Variants in VEZT observed in about 807,000 individuals in gnomAD.
The protein encoded by VEZT is vezatin, adherens junctions transmembrane protein.
Under a neutral mutation model 79.9 loss-of-function variants are expected in VEZT, and 39 were observed. The ratio of observed to expected loss-of-function variants is 0.49; its 90% confidence interval spans 0.38 to 0.64. VEZT has a LOEUF of 0.64. VEZT is among the 30% of genes least tolerant of loss of function. The probability of loss-of-function intolerance (pLI) is 0.00; values close to 1 mark genes in which losing one functional copy is unlikely to be tolerated. For synonymous variants in VEZT, 325 were observed against 327.6 expected (o/e 0.99, Z 0.09); for missense variants, 837 against 893.1 (o/e 0.94, Z 0.80).
At chr12:95,227,086 T>C (rs2058595928) in intron 1 of VEZT, among the ~76,000 whole-genome samples, 1 of 152,244 alleles carries the variant, frequency 6.6e-6, no homozygotes, top group Admixed American at 6.5e-5. Context: ...TACTCTGTTA[T>C]CGTCATCATT....
At chr12:95,237,682 T>C (rs1028029406) in intron 1 of VEZT, among the ~76,000 whole-genome samples, 7 of 152,248 alleles carry the variant, frequency 4.6e-5, no homozygotes, top group Non-Finnish European at 8.8e-5. Context: ...CTGTTGTGGC[T>C]CTGTTTCCCT....
At chr12:95,285,982 C>CTTTTT (rs869030351) in intron 8 of VEZT, among the ~76,000 whole-genome samples, 12 of 85,832 alleles carry the variant, frequency 1.4e-4, no homozygotes, top group Non-Finnish European at 2.2e-4. Flanking sequence ...CCGACCCCTT[C>CTTTTT]TTTTTTTTTT....
chr12:95,244,058 G>A (rs1431778559), intron 1 of VEZT: 7 of 442,328 alleles, frequency 1.6e-5, no homozygotes, highest in Admixed American at 1.3e-4. Context: ...TTCTGTTATA[G>A]CAACACAAAA....
At chr12:95,229,837 C>A (rs912886222) in intron 1 of VEZT, among the ~76,000 whole-genome samples, 1 of 152,066 alleles carries the variant, frequency 6.6e-6, no homozygotes, top group African/African-American at 2.4e-5. Context: ...TGCCTGTAAT[C>A]CCAGCACTTT....
chr12:95,295,579 A>G (rs1307640001), intron 10 of VEZT, among the ~76,000 whole-genome samples: 2 of 152,192 alleles, frequency 1.3e-5, no homozygotes, highest in Non-Finnish European at 2.9e-5. Flanking sequence ...GTAAGCAAGC[A>G]TCCTACCCTC....
intron 1 of VEZT, among the ~76,000 whole-genome samples, chr12:95,240,240 T>C (rs1160044910): frequency 6.6e-6 from 1 of 152,124 alleles, no homozygotes; most frequent in Non-Finnish European, 1.5e-5. Context: ...AAAGTGCCAT[T>C]TGTGGAAGAG....
At chr12:95,250,283 T>A (rs1213370170) in intron 1 of VEZT, among the ~76,000 whole-genome samples, 4 of 134,240 alleles carry the variant, frequency 3.0e-5, no homozygotes, top group South Asian at 4.8e-4. Context: ...AGATTTATTA[T>A]TTTTTTTTTT....
chr12:95,246,530 A>C (rs1046437297), intron 1 of VEZT, among the ~76,000 whole-genome samples: 2 of 152,226 alleles, frequency 1.3e-5, no homozygotes, highest in Admixed American at 1.3e-4. Context: ...TTCAGCAAAA[A>C]TGTGGGATTT....
At chr12:95,259,705 A>T (rs1033465917) in intron 3 of VEZT, among the ~76,000 whole-genome samples, 6 of 152,322 alleles carry the variant, frequency 3.9e-5, no homozygotes, top group Admixed American at 3.3e-4. Flanking sequence ...ATCGATCAGA[A>T]TTAGCACCTT....
intron 7 of VEZT, among the ~76,000 whole-genome samples, chr12:95,277,335 C>T (rs1461238361): frequency 6.6e-6 from 1 of 152,144 alleles, no homozygotes; most frequent in Non-Finnish European, 1.5e-5. Context: ...GCCAGAGCCA[C>T]ATGGTGAACC....
intron 1 of VEZT, among the ~76,000 whole-genome samples, chr12:95,248,550 A>T (rs1236826159): frequency 1.3e-5 from 2 of 152,240 alleles, no homozygotes; most frequent in Admixed American, 6.5e-5. Context: ...CGTTGGGGTC[A>T]CTGATGAGAG....
chr12:95,233,388 TA>T, intron 1 of VEZT, among the ~76,000 whole-genome samples: 1 of 152,144 alleles, frequency 6.6e-6, no homozygotes, highest in Non-Finnish European at 1.5e-5. Flanking sequence ...TTTTTTAAAT[TA>T]TTTTTTATTT....
chr12:95,284,434 C>G (rs1456359794), intron 8 of VEZT, among the ~76,000 whole-genome samples: 1 of 152,154 alleles, frequency 6.6e-6, no homozygotes, highest in East Asian at 1.9e-4. Context: ...TCTAACTGTT[C>G]TCCCCACCTC....
rs2063611998 is a variant in VEZT, at chr12:95,257,250, A to C, written c.258+11A>C. The C allele has an allele frequency of 6.3e-7, 1 of 1,591,114 alleles. No individual in the cohort carries two copies. Among genetic ancestry groups the C allele is most frequent in the East Asian group, 2.2e-5 (1 of 44,588 alleles). ...TTACTTCACAAGTTGGTAAGTGGTC[A>C]CTTCTTTTTGCCACTTTTCAGGGTT... On this transcript the variant is annotated intron_variant, in intron 3 of 11. Transcript: ENST00000436874.
chr12:95,220,114 T>A (rs1017601263), intron 1 of VEZT, among the ~76,000 whole-genome samples: 1 of 152,184 alleles, frequency 6.6e-6, no homozygotes, highest in Non-Finnish European at 1.5e-5. Flanking sequence ...TGTGGATGGT[T>A]ATATTTTCAC....
chr12:95,257,118 T>C (rs751338184), intron 2 of VEZT, 32 bp from the exon 3 acceptor site: 2 of 1,544,908 alleles, frequency 1.3e-6, no homozygotes, highest in South Asian at 2.4e-5. Context: ...ATGCTTTTAA[T>C]AATCCTATAC....
At chr12:95,295,376 GGT>G (rs994673913) in intron 10 of VEZT, among the ~76,000 whole-genome samples, 2 of 151,904 alleles carry the variant, frequency 1.3e-5, no homozygotes, top group African/African-American at 4.8e-5. Context: ...TGGCCAGGCT[GGT>G]CTTGAACTCC....
At position 95,287,795 on chromosome 12, in the gene VEZT, A is replaced by G. The variant is rs916128817; in HGVS notation, c.1460A>G (p.Asn487Ser). 2.5e-6 allele frequency: 4 copies of G among 1,608,504 alleles called. No homozygotes were observed. Among genetic ancestry groups the G allele is most frequent in the Non-Finnish European group, 3.4e-6 (4 of 1,177,230 alleles). ...LIQPHVQASN[N>S]CWEEAISQVD... ...CAGCCCCACGTTCAAGCAAGCAACAATTGCTGGGAAGAGGCCATTTCTCAG... is the reference window on the plus strand; with the variant it reads ...CAGCCCCACGTTCAAGCAAGCAACAGTTGCTGGGAAGAGGCCATTTCTCAG... Residue 487 changes from asparagine to serine, a missense_variant, in exon 9 of 12, where the codon AAT (asparagine) becomes AGT (serine). By Grantham distance (46) the Asn-to-Ser change is conservative. Transcript: ENST00000436874.
intron 5 of VEZT, among the ~76,000 whole-genome samples, chr12:95,268,954 C>T (rs1199677816): frequency 6.6e-6 from 1 of 152,286 alleles, no homozygotes; most frequent in South Asian, 2.1e-4. Flanking sequence ...ATAATTGAAA[C>T]CTTTTTTGCC....
Sources: gnomAD v4.1 joint callset for allele counts (sites outside exome capture counted in the v4.1 genomes callset) on GRCh38, gnomAD v4.1.1 for gene constraint, MANE v1.5 for transcripts, NCBI Gene and HGNC (gene_info 2026-07-23, HGNC 2026-07-21) for gene names.